The following HEPHL1 variants were observed in gnomAD, a reference collection of about 807,000 sequenced individuals.
The protein encoded by HEPHL1 is ferroxidase HEPHL1.
HEPHL1 carries 123 observed loss-of-function variants against 122.0 expected under a neutral mutation model. The observed-to-expected ratio is 1.01, with a 90% CI of 0.87 to 1.17. HEPHL1 has a LOEUF of 1.17. Ranked by LOEUF, HEPHL1 falls within the 50% of genes most tolerant of loss-of-function variation. HEPHL1 has a pLI of 0.00. For missense variants in HEPHL1, 1,452 were observed against 1,430.5 expected, an observed-to-expected ratio of 1.01 and a Z score of -0.24; for synonymous variants, 527 against 508.9, an observed-to-expected ratio of 1.04 and a Z score of -0.48.
intron 2 of HEPHL1, among the ~76,000 whole-genome samples, chr11:94,062,203 G>T (rs1945989551): frequency 1.3e-5 from 2 of 152,138 alleles, no homozygotes; most frequent in African/African-American, 4.8e-5. Flanking sequence ...GGTATAAATA[G>T]ATTCAAATTT....
intron 8 of HEPHL1, among the ~76,000 whole-genome samples, chr11:94,074,757 A>AG (rs1946106663): frequency 6.6e-6 from 1 of 152,180 alleles, no homozygotes; most frequent in Admixed American, 6.6e-5. Flanking sequence ...TTCCAAGTTC[A>AG]GTCTCCTATA....
intron 9 of HEPHL1, among the ~76,000 whole-genome samples, chr11:94,078,011 G>A (rs1565356330): frequency 6.6e-6 from 1 of 152,102 alleles, no homozygotes; most frequent in Non-Finnish European, 1.5e-5. Flanking sequence ...TTATTTATTT[G>A]CTTATGTGTA....
intron 15 of HEPHL1, among the ~76,000 whole-genome samples, chr11:94,103,462 G>T (rs1946385521): frequency 6.6e-6 from 1 of 152,018 alleles, no homozygotes; most frequent in South Asian, 2.1e-4. Context: ...GTATGGTTTT[G>T]GATGTGTGAA....
chr11:94,075,401 TCAC>T lies in HEPHL1; in HGVS notation c.1716+19_1716+21del. The T allele has an allele frequency of 6.3e-7, 1 of 1,592,914 alleles. No homozygotes were observed. The highest frequency in any genetic ancestry group is 2.1e-4 in the Middle Eastern group (1 of 4,720). ...TGGGACACAGGTAGGCCATTGAGTG[TCAC>T]CAGTTCTTCTCAGGGTTGTATGTGG... On this transcript the variant is annotated intron_variant, in intron 9 of 19. Transcript: ENST00000315765.
chr11:94,073,090 A>G lies in HEPHL1; in HGVS notation c.1298A>G (p.Tyr433Cys). Residue 433 changes from tyrosine to cysteine, a missense_variant, in exon 7 of 20, where the codon TAT becomes TGT. Transcript: ENST00000315765. The stretch of plus-strand genomic sequence containing the variant: ...GGAGGAAAATACTGGAAGGTTCGGT[A>G]TACTGAATTTGTTGATGCAACTTTT... ...RIGGKYWKVR[Y>C]TEFVDATFTK... 6.2e-7 allele frequency: 1 copy of G among 1,613,064 alleles called. No homozygotes were observed.
chr11:94,073,925 A>G (rs1455071685), intron 8 of HEPHL1, among the ~76,000 whole-genome samples: 1 of 152,284 alleles, frequency 6.6e-6, no homozygotes, highest in East Asian at 1.9e-4. Context: ...ATGTGTGCTT[A>G]TCATCTGATA....
At chr11:94,072,051 G>T (rs937792877) in intron 6 of HEPHL1, among the ~76,000 whole-genome samples, 5 of 152,058 alleles carry the variant, frequency 3.3e-5, no homozygotes, top group African/African-American at 1.2e-4. Flanking sequence ...TGAAGATTTT[G>T]GAGCAGGTAA....
chr11:94,023,175 C>T (rs1425087893), intron 1 of HEPHL1, among the ~76,000 whole-genome samples: 1 of 152,182 alleles, frequency 6.6e-6, no homozygotes, highest in Non-Finnish European at 1.5e-5. Flanking sequence ...AAACTCATTG[C>T]TTTGGTTCCA....
intron 15 of HEPHL1, among the ~76,000 whole-genome samples, chr11:94,103,426 T>C (rs1946384937): frequency 6.6e-6 from 1 of 151,844 alleles, no homozygotes; most frequent in Admixed American, 6.6e-5. Context: ...AACAATAAAA[T>C]AAATATAACT....
intron 13 of HEPHL1, among the ~76,000 whole-genome samples, chr11:94,098,745 C>T (rs1946341160): frequency 6.6e-6 from 1 of 152,182 alleles, no homozygotes; most frequent in Non-Finnish European, 1.5e-5. Context: ...CTTCTCTTCT[C>T]ACTTCATTTC....
intron 6 of HEPHL1, among the ~76,000 whole-genome samples, chr11:94,072,079 C>T (rs998092981): frequency 6.6e-6 from 1 of 152,026 alleles, no homozygotes; most frequent in African/African-American, 2.4e-5. Context: ...TAACAATTGC[C>T]ATTTTGGAGA....
intron 2 of HEPHL1, among the ~76,000 whole-genome samples, chr11:94,047,671 A>G (rs888041340): frequency 2.6e-5 from 4 of 152,182 alleles, no homozygotes; most frequent in African/African-American, 9.7e-5. Context: ...GTAAAGATGT[A>G]CCAAGATAGT....
intron 9 of HEPHL1, among the ~76,000 whole-genome samples, chr11:94,079,761 C>T (rs1477866073): frequency 1.3e-5 from 2 of 152,064 alleles, no homozygotes; most frequent in African/African-American, 4.8e-5. Flanking sequence ...ACCGGAATAC[C>T]ATTAGATGAG....
rs1946455575 is a variant in HEPHL1, at chr11:94,112,171, T to C, written c.*277T>C. The C allele has an allele frequency of 3.3e-6, 1 of 299,930 alleles. No individual in the cohort carries two copies. Among genetic ancestry groups the C allele is most frequent in the African/African-American group, 2.1e-5 (1 of 46,634 alleles). The allele number at this position is 299,930 out of a possible 1,614,324, so 18.6% of individuals were successfully genotyped here. A position where few individuals can be genotyped will look rare whatever the true frequency, so the allele number is the denominator to read the frequency against. ...TAGTCTATTCTTTGGTTGGATTCAC[T>C]GAATAGGAGACACTCTGAAAGATAT... is the stretch of plus-strand genomic sequence containing the variant. On this transcript the variant is annotated 3_prime_UTR_variant, in exon 20 of 20. Coordinates refer to ENST00000315765, the MANE Select transcript of HEPHL1 (RefSeq NM_001098672.2).
Position 94,095,634 on chromosome 11 carries a change from A to G in HEPHL1, c.2434+1994A>G, listed in dbSNP as rs547481948. ...ATGGCAGTATGGCCATTTTCATGAT[A>G]TTGATTCTTCCTATCCATGAGCATG... On this transcript the variant is annotated intron_variant, in intron 13 of 19. Coordinates refer to ENST00000315765, the MANE Select transcript of HEPHL1 (RefSeq NM_001098672.2). Among the ~76,000 whole-genome samples, 354 of 152,224 alleles carry G rather than the reference A, an allele frequency of 2.3e-3. 2 individuals carry two copies. Among genetic ancestry groups the G allele is most frequent in the African/African-American group, 8.3e-3 (346 of 41,542 alleles).
intron 13 of HEPHL1, among the ~76,000 whole-genome samples, chr11:94,099,035 GC>G (rs1278031315): frequency 6.6e-6 from 1 of 152,232 alleles, no homozygotes; most frequent in East Asian, 1.9e-4. Context: ...TCTCCATCCA[GC>G]TTTGTTCTGT....
At chr11:94,093,687 A>G (rs1385061773) in intron 13 of HEPHL1, 47 bp downstream of exon 13, 5 of 1,590,062 alleles carry the variant, frequency 3.1e-6, no homozygotes, top group Non-Finnish European at 4.3e-6. Flanking sequence ...AAGCATGTGC[A>G]TGCACACATA....
At chr11:94,107,021 G>T (rs1946414774) in intron 17 of HEPHL1, among the ~76,000 whole-genome samples, 1 of 152,024 alleles carries the variant, frequency 6.6e-6, no homozygotes, top group African/African-American at 2.4e-5. Flanking sequence ...AAACCCAACT[G>T]CCAGGCCCGA....
At chr11:94,023,702 C>T (rs1945600739) in intron 1 of HEPHL1, among the ~76,000 whole-genome samples, 1 of 152,114 alleles carries the variant, frequency 6.6e-6, no homozygotes, top group African/African-American at 2.4e-5. Context: ...CCTAGAACGC[C>T]AAGGTCCCCA....
Sources: gnomAD v4.1 joint callset for allele counts (sites outside exome capture counted in the v4.1 genomes callset) on GRCh38, gnomAD v4.1.1 for gene constraint, MANE v1.5 for transcripts, NCBI Gene and HGNC (gene_info 2026-07-23, HGNC 2026-07-21) for gene names.